LDB2: variants seen among roughly 807,000 people sequenced by gnomAD.
The protein encoded by LDB2 is LIM domain binding 2.
LDB2 carries 12 observed loss-of-function variants against 44.3 expected under a neutral mutation model. That is an observed-to-expected ratio of 0.27 (90% CI 0.17 to 0.44). The LOEUF is 0.44. Ranked by LOEUF, LDB2 falls within the 20% of genes least tolerant of loss-of-function variation. LDB2 has a pLI of 1.00. For missense variants in LDB2, 344 were observed against 473.5 expected (o/e 0.73, Z 2.54); for synonymous variants, 164 against 174.8 (o/e 0.94, Z 0.49).
intron 1 of LDB2, among the ~76,000 whole-genome samples, chr4:16,872,474 G>C (rs1478485508): frequency 2.0e-5 from 3 of 152,110 alleles, no homozygotes; most frequent in African/African-American, 7.2e-5. Flanking sequence ...CTTGTTTATT[G>C]TATGGTTCCT....
intron 2 of LDB2, among the ~76,000 whole-genome samples, chr4:16,746,840 A>G (rs938314436): frequency 2.0e-5 from 3 of 152,178 alleles, no homozygotes; most frequent in Non-Finnish European, 2.9e-5. Flanking sequence ...AAATGTAATC[A>G]TATGCATTCC....
At chr4:16,538,326 C>T (rs1347460309) in intron 5 of LDB2, among the ~76,000 whole-genome samples, 1 of 151,972 alleles carries the variant, frequency 6.6e-6, no homozygotes, top group African/African-American at 2.4e-5. Flanking sequence ...ATGAAAAATC[C>T]CTGCTCTGTG....
chr4:16,870,853 C>T (rs778981364), intron 1 of LDB2, among the ~76,000 whole-genome samples: 2 of 152,000 alleles, frequency 1.3e-5, no homozygotes, highest in South Asian at 2.1e-4. Flanking sequence ...AGGCTGGTCT[C>T]GAACTCCTGA....
intron 5 of LDB2, among the ~76,000 whole-genome samples, chr4:16,556,272 C>T (rs1223048443): frequency 6.6e-6 from 1 of 152,196 alleles, no homozygotes; most frequent in East Asian, 1.9e-4. Context: ...TTTCTAGCAC[C>T]TAGCACCAAG....
intron 5 of LDB2, among the ~76,000 whole-genome samples, chr4:16,519,391 A>C (rs1373741001): frequency 6.6e-6 from 1 of 151,590 alleles, no homozygotes; most frequent in Non-Finnish European, 1.5e-5. Flanking sequence ...TGAAGGGCAG[A>C]GAAGAGGTTC....
chr4:16,528,160 A>C (rs1560372253), intron 5 of LDB2, among the ~76,000 whole-genome samples: 1 of 152,178 alleles, frequency 6.6e-6, no homozygotes, highest in Non-Finnish European at 1.5e-5. Context: ...CTAAGCTATG[A>C]GGATGCAAAG....
intron 1 of LDB2, among the ~76,000 whole-genome samples, chr4:16,819,060 G>T (rs1282423843): frequency 1.3e-5 from 2 of 151,406 alleles, no homozygotes. Flanking sequence ...AATGAGTACT[G>T]CTTGTGAATC....
At chr4:16,859,951 T>A (rs1264181955) in intron 1 of LDB2, among the ~76,000 whole-genome samples, 1 of 152,218 alleles carries the variant, frequency 6.6e-6, no homozygotes, top group South Asian at 2.1e-4. Flanking sequence ...AGACAAGTAC[T>A]ATTATTACTC....
intron 5 of LDB2, among the ~76,000 whole-genome samples, chr4:16,540,945 TG>T (rs1440260605): frequency 2.6e-5 from 4 of 152,202 alleles, no homozygotes; most frequent in Admixed American, 2.0e-4. Context: ...TGTGAAATGC[TG>T]GATAAGCTAT....
chr4:16,714,017 G>T (rs1033205601), intron 2 of LDB2, among the ~76,000 whole-genome samples: 1 of 152,098 alleles, frequency 6.6e-6, no homozygotes, highest in Non-Finnish European at 1.5e-5. Context: ...CTCATTCACC[G>T]GCGAGAAGAT....
intron 2 of LDB2, among the ~76,000 whole-genome samples, chr4:16,687,339 GCT>G (rs964522543): frequency 6.6e-6 from 1 of 151,992 alleles, no homozygotes; most frequent in African/African-American, 2.4e-5. Flanking sequence ...TTGAGAGCTT[GCT>G]CTCTCTCTCG....
At chr4:16,872,200 G>C (rs911740269) in intron 1 of LDB2, among the ~76,000 whole-genome samples, 1 of 151,590 alleles carries the variant, frequency 6.6e-6, no homozygotes, top group African/African-American at 2.4e-5. Context: ...TCTGTATTTT[G>C]CATGGGTCTC....
chr4:16,610,056 G>A (rs1343951541), intron 2 of LDB2, among the ~76,000 whole-genome samples: 2 of 152,042 alleles, frequency 1.3e-5, no homozygotes, highest in East Asian at 2.0e-4. Context: ...GCATGGGAGC[G>A]AATCAGATGA....
intron 1 of LDB2, among the ~76,000 whole-genome samples, chr4:16,849,943 AAAGTAGGCATACTTTTAACAATC>A: frequency 6.6e-6 from 1 of 152,192 alleles, no homozygotes; most frequent in African/African-American, 2.4e-5. Context: ...AAAACTGTGA[AAAGTAGGCATACTTTTAACAATC>A]CCCAGGAAGG....
chr4:16,816,266 G>A (rs979150112), intron 1 of LDB2, among the ~76,000 whole-genome samples: 2 of 151,926 alleles, frequency 1.3e-5, no homozygotes, highest in Non-Finnish European at 2.9e-5. Context: ...CTGTATGTGT[G>A]GATATCCATG....
chr4:16,786,733 T>C (rs1021803358), intron 1 of LDB2, among the ~76,000 whole-genome samples: 1 of 152,174 alleles, frequency 6.6e-6, no homozygotes, highest in Non-Finnish European at 1.5e-5. Flanking sequence ...TCAGTGTCAA[T>C]ATAAGAGACT....
intron 1 of LDB2, among the ~76,000 whole-genome samples, chr4:16,816,372 T>G (rs1036566727): frequency 6.6e-6 from 1 of 151,846 alleles, no homozygotes; most frequent in Non-Finnish European, 1.5e-5. Context: ...TCTTCAATTA[T>G]ATCTTCATTT....
intron 1 of LDB2, among the ~76,000 whole-genome samples, chr4:16,815,099 T>C: frequency 6.6e-6 from 1 of 152,248 alleles, no homozygotes; most frequent in East Asian, 1.9e-4. Context: ...GCATGAACTT[T>C]AATAAACATT....
chr4:16,628,364 T>A (rs2152491000), intron 2 of LDB2, among the ~76,000 whole-genome samples: 1 of 152,246 alleles, frequency 6.6e-6, no homozygotes, highest in Non-Finnish European at 1.5e-5. Context: ...GCCATTTGAC[T>A]TAGAACTTCT....
Sources: gnomAD v4.1 joint callset for allele counts (sites outside exome capture counted in the v4.1 genomes callset) on GRCh38, gnomAD v4.1.1 for gene constraint, MANE v1.5 for transcripts, NCBI Gene and HGNC (gene_info 2026-07-23, HGNC 2026-07-21) for gene names.